The following GSTCD variants were observed in gnomAD, a reference collection of about 807,000 sequenced individuals.
The protein encoded by GSTCD is glutathione S-transferase C-terminal domain-containing protein.
Under a neutral mutation model 68.3 loss-of-function variants are expected in GSTCD, and 44 were observed. The observed-to-expected ratio is 0.64, with a 90% CI of 0.51 to 0.83. The LOEUF (loss-of-function observed/expected upper bound fraction) is 0.83. Among genes scored for constraint, GSTCD ranks in the 40% least tolerant of loss-of-function variants. GSTCD has a pLI of 0.00. For missense variants in GSTCD, 739 were observed against 735.9 expected (o/e 1.00, Z -0.05); for synonymous variants, 273 against 255.2 (o/e 1.07, Z -0.67).
intron 5 of GSTCD, among the ~76,000 whole-genome samples, chr4:105,760,476 A>G: frequency 6.6e-6 from 1 of 152,128 alleles, no homozygotes; most frequent in East Asian, 1.9e-4. Context: ...TACCAACTGC[A>G]TTGCATTTTA....
intron 5 of GSTCD, among the ~76,000 whole-genome samples, chr4:105,782,784 T>C (rs1735329990): frequency 6.6e-6 from 1 of 152,190 alleles, no homozygotes. Flanking sequence ...GGTTTCACCA[T>C]GTTGCTCGGG....
At chr4:105,766,435 G>T (rs1054510463) in intron 5 of GSTCD, among the ~76,000 whole-genome samples, 3 of 152,184 alleles carry the variant, frequency 2.0e-5, no homozygotes, top group Admixed American at 6.5e-5. Context: ...GAGACCAGGG[G>T]AAACAGAAAA....
intron 10 of GSTCD, among the ~76,000 whole-genome samples, chr4:105,841,778 G>A (rs1724350353): frequency 6.6e-6 from 1 of 152,132 alleles, no homozygotes; most frequent in African/African-American, 2.4e-5. Flanking sequence ...GGGAGTCTGG[G>A]AGACGAAGGT....
At chr4:105,792,544 G>A (rs1045641260) in intron 5 of GSTCD, among the ~76,000 whole-genome samples, 4 of 151,776 alleles carry the variant, frequency 2.6e-5, no homozygotes, top group Admixed American at 6.6e-5. Flanking sequence ...ATCAGAATCC[G>A]GGCATATTAA....
chr4:105,784,026 T>C (rs2149251094), intron 5 of GSTCD, among the ~76,000 whole-genome samples: 1 of 152,364 alleles, frequency 6.6e-6, no homozygotes, highest in Middle Eastern at 3.4e-3. Context: ...TATCCTGTTA[T>C]TGTTAATGGT....
At chr4:105,734,209 A>G (rs1329056762) in intron 5 of GSTCD, among the ~76,000 whole-genome samples, 1 of 152,072 alleles carries the variant, frequency 6.6e-6, no homozygotes, top group Non-Finnish European at 1.5e-5. Context: ...CATTCTCCGT[A>G]TTTCCTGAAT....
At chr4:105,751,203 G>A (rs1733998144) in intron 5 of GSTCD, among the ~76,000 whole-genome samples, 1 of 152,278 alleles carries the variant, frequency 6.6e-6, no homozygotes, top group South Asian at 2.1e-4. Flanking sequence ...GAAGCTGGGT[G>A]AGGGGTTCAT....
At chr4:105,713,114 G>T (rs28370551) in intron 1 of GSTCD, among the ~76,000 whole-genome samples, 19,220 of 152,182 alleles carry the variant, frequency 0.13, 1,717 homozygotes, top group African/African-American at 0.25. Context: ...TGTAGGATAA[G>T]TATTGCTTCA....
intron 5 of GSTCD, among the ~76,000 whole-genome samples, chr4:105,756,580 G>GTATATATA (rs3055930): frequency 7.0e-6 from 1 of 142,438 alleles, no homozygotes; most frequent in Admixed American, 7.0e-5. Flanking sequence ...GTGTGTGTGT[G>GTATATATA]TATATATATA....
intron 9 of GSTCD, among the ~76,000 whole-genome samples, chr4:105,835,031 G>A (rs536555931): frequency 1.3e-5 from 2 of 152,246 alleles, no homozygotes; most frequent in East Asian, 3.9e-4. Context: ...TAGTTTTCTT[G>A]TCTACAAAAT....
Position 105,719,290 on chromosome 4 carries a change from C to A in GSTCD, c.657C>A (p.Ser219Arg), listed in dbSNP as rs146700341. ...GPPLTKGKAKSKVHTQETSEG... is the reference protein window; with the variant it reads ...GPPLTKGKAKRKVHTQETSEG... The stretch of plus-strand genomic sequence containing the variant: ...CCCTTACTAAGGGAAAGGCAAAGAG[C>A]AAGGTCCACACACAGGAAACATCTG... The change falls in exon 3 of 12, where the codon AGC (serine) becomes AGA (arginine). Residue 219 changes from serine (S) to arginine (R), a missense_variant. By Grantham distance (110) the Ser-to-Arg change is moderately radical. Transcript: ENST00000515279. 6.8e-5 allele frequency: 109 copies of A among 1,613,964 alleles called. 1 individual carries two copies. The highest frequency in any genetic ancestry group is 7.2e-5 in the Non-Finnish European group (85 of 1,180,008).
intron 5 of GSTCD, among the ~76,000 whole-genome samples, chr4:105,760,308 A>G (rs930171757): frequency 6.6e-6 from 1 of 152,122 alleles, no homozygotes; most frequent in African/African-American, 2.4e-5. Context: ...GGGTTTTTCT[A>G]TTTGGAAGCC....
chr4:105,775,204 A>C (rs1735006629), intron 5 of GSTCD, among the ~76,000 whole-genome samples: 1 of 152,142 alleles, frequency 6.6e-6, no homozygotes, highest in South Asian at 2.1e-4. Context: ...CAGTTCCAGC[A>C]GGTCATTTAT....
At chr4:105,787,238 C>T (rs1408353787) in intron 5 of GSTCD, among the ~76,000 whole-genome samples, 1 of 152,016 alleles carries the variant, frequency 6.6e-6, no homozygotes, top group African/African-American at 2.4e-5. Context: ...TTAAAGATTT[C>T]CAGGCCCTAA....
At position 105,719,478 on chromosome 4, in the gene GSTCD, A is replaced by C; in HGVS notation, c.845A>C (p.Tyr282Ser). ...PLEHVFAEGL[Y>S]FTLADIVLLP... is the part of the protein sequence containing the mutation. Reference sequence around the variant, plus strand: ...GAGCATGTGTTTGCAGAAGGGCTTTACTTCACTCTGGCAGATATTGTGCTC... The same window carrying C: ...GAGCATGTGTTTGCAGAAGGGCTTTCCTTCACTCTGGCAGATATTGTGCTC... The change falls in exon 3 of 12, where the codon TAC (tyrosine) becomes TCC (serine). Residue 282 changes from tyrosine (Y) to serine (S), a missense_variant. Physicochemically the swap from Tyr to Ser is moderately radical, Grantham distance 144. Coordinates refer to ENST00000515279, the MANE Select transcript of GSTCD (RefSeq NM_001370181.1). The C allele has an allele frequency of 6.2e-7, 1 of 1,614,068 alleles. No homozygotes were observed. The highest frequency in any genetic ancestry group is 8.5e-7 in the Non-Finnish European group (1 of 1,179,952).
At chr4:105,710,387 C>CT (rs70941210) in intron 1 of GSTCD, among the ~76,000 whole-genome samples, 1,337 of 123,644 alleles carry the variant, frequency 0.011, 22 homozygotes, top group Admixed American at 0.034. Context: ...CACTCGGCTC[C>CT]TTTTTTTTTT....
intron 5 of GSTCD, among the ~76,000 whole-genome samples, chr4:105,769,485 C>T (rs867321102): frequency 1.1e-4 from 16 of 152,116 alleles, no homozygotes; most frequent in African/African-American, 2.9e-4. Context: ...TACTATTTCC[C>T]TGTCCTCCCC....
intron 5 of GSTCD, among the ~76,000 whole-genome samples, chr4:105,794,891 CTA>C (rs1735822332): frequency 6.8e-6 from 1 of 146,670 alleles, no homozygotes; most frequent in Non-Finnish European, 1.5e-5. Context: ...ATCTATCTAT[CTA>C]TGAGACAGAG....
At chr4:105,823,831 T>C (rs1324798167) in intron 7 of GSTCD, 1 of 152,220 alleles carries the variant, frequency 6.6e-6, no homozygotes, top group African/African-American at 2.4e-5. Flanking sequence ...TTGCTTTCAC[T>C]CAATATTGTA....
Sources: allele counts gnomAD v4.1 joint callset (sites outside exome capture counted in the v4.1 genomes callset), GRCh38; gene constraint gnomAD v4.1.1; transcripts MANE v1.5; gene names NCBI Gene and HGNC (gene_info 2026-07-23, HGNC 2026-07-21).